CCDC39: variants seen among roughly 807,000 people sequenced by gnomAD.
The protein encoded by CCDC39 is coiled-coil domain 39 molecular ruler complex subunit, also known as coiled-coil domain-containing protein 39.
A neutral mutation model predicts 121.0 loss-of-function variants in CCDC39; 113 were observed. The observed-to-expected ratio is 0.93, with a 90% CI of 0.80 to 1.09. CCDC39 has a LOEUF of 1.09. CCDC39 is among the 50% of genes least tolerant of loss of function. The pLI is 0.00. For synonymous variants in CCDC39, 349 were observed against 352.2 expected (o/e 0.99, Z 0.10); for missense variants, 1,063 against 1,074.7 (o/e 0.99, Z 0.15).
Position 180,661,855 on chromosome 3 carries a change from A to G in CCDC39, c.357+6T>C, listed in dbSNP as rs1233109461. 6.4e-7 allele frequency: 1 copy of G among 1,574,342 alleles called. No homozygotes were observed. Among genetic ancestry groups the G allele is most frequent in the South Asian group, 1.2e-5 (1 of 85,872 alleles). ...ACAGAATTTTAAGTAATATTTCAACATATACTTCTTTATCACTTTTCTTTT... is the reference window on the plus strand; with the variant it reads ...ACAGAATTTTAAGTAATATTTCAACGTATACTTCTTTATCACTTTTCTTTT... On this transcript the variant is annotated splice_donor_region_variant and intron_variant, in intron 3 of 19. Transcript: ENST00000476379.
chr3:180,615,671 A>G (rs1717203993), intron 19 of CCDC39, among the ~76,000 whole-genome samples: 1 of 152,168 alleles, frequency 6.6e-6, no homozygotes, highest in Non-Finnish European at 1.5e-5. Flanking sequence ...TAGTAATTTA[A>G]TAAGTAGCTG....
intron 7 of CCDC39, among the ~76,000 whole-genome samples, chr3:180,652,937 T>A (rs1045468658): frequency 6.6e-6 from 1 of 152,112 alleles, no homozygotes; most frequent in Non-Finnish European, 1.5e-5. Flanking sequence ...TACTTAGGAA[T>A]AAATTTAACC....
At chr3:180,627,106 T>C (rs568245796) in intron 14 of CCDC39, among the ~76,000 whole-genome samples, 1 of 152,354 alleles carries the variant, frequency 6.6e-6, no homozygotes, top group South Asian at 2.1e-4. Context: ...TACAGTCTGC[T>C]TATGTGTCAC....
rs1299741322 is a variant in CCDC39, at chr3:180,643,568, T to G, written c.1665+552A>C. 3.9e-5 allele frequency among the ~76,000 whole-genome samples: 6 copies of G among 152,276 alleles called. No homozygotes were observed. In the East Asian group the frequency reaches 1.2e-3, roughly 29 times the overall value. On this transcript the variant is annotated intron_variant, in intron 12 of 19. Coordinates refer to ENST00000476379, the MANE Select transcript of CCDC39 (RefSeq NM_181426.2). ...CCAGCCTCAGTGGTAGTGAATAAAA[T>G]AGAATGCTTACATACTACTGATAGG...
chr3:180,672,708 G>A (rs935804929), intron 1 of CCDC39, among the ~76,000 whole-genome samples: 1 of 152,196 alleles, frequency 6.6e-6, no homozygotes, highest in Admixed American at 6.5e-5. Flanking sequence ...ACATTCTGCA[G>A]CCCATGGATC....
intron 6 of CCDC39, among the ~76,000 whole-genome samples, chr3:180,656,966 C>T (rs762625610): frequency 9.2e-5 from 14 of 152,168 alleles, no homozygotes; most frequent in African/African-American, 2.9e-4. Flanking sequence ...AACCACCAGC[C>T]CTCAGGGCTG....
chr3:180,664,720 A>G (rs1258135952), intron 1 of CCDC39, among the ~76,000 whole-genome samples: 2 of 146,274 alleles, frequency 1.4e-5, no homozygotes, highest in Admixed American at 6.8e-5. Context: ...TTTGAGATGG[A>G]GTCTTGCTCT....
At chr3:180,677,700 G>A (rs958743148) in intron 1 of CCDC39, among the ~76,000 whole-genome samples, 2 of 151,702 alleles carry the variant, frequency 1.3e-5, no homozygotes, top group Non-Finnish European at 2.9e-5. Context: ...GTTAAATACC[G>A]CATATATATA....
chr3:180,670,313 GT>G (rs1350374254), intron 1 of CCDC39, among the ~76,000 whole-genome samples: 1 of 124,024 alleles, frequency 8.1e-6, no homozygotes, highest in South Asian at 2.3e-4. Flanking sequence ...TATGGAAGGG[GT>G]GTGTGTGTGT....
intron 1 of CCDC39, among the ~76,000 whole-genome samples, chr3:180,673,951 G>A (rs911417658): frequency 1.3e-5 from 2 of 151,838 alleles, no homozygotes; most frequent in African/African-American, 4.8e-5. Context: ...GACAGTACTT[G>A]GCAATGCAGG....
intron 1 of CCDC39, among the ~76,000 whole-genome samples, chr3:180,664,673 A>T (rs183878257): frequency 6.6e-6 from 1 of 150,648 alleles, no homozygotes; most frequent in East Asian, 1.9e-4. Context: ...ATGAGATTCT[A>T]CTCCATTATT....
chr3:180,642,229 T>G, intron 12 of CCDC39, 28 bp from the exon 13 acceptor site: 1 of 1,419,692 alleles, frequency 7.0e-7, no homozygotes. Flanking sequence ...TGGTCAAATA[T>G]TGAAATTATT....
Position 180,631,191 on chromosome 3 carries a change from G to A in CCDC39, c.1998+278C>T, listed in dbSNP as rs559839926. ...AACTCAAAAGAGGAAGACTTCTGGA[G>A]CAAGTTCACAGTAAGTTTTGGGAAT... On this transcript the variant is annotated intron_variant, in intron 14 of 19. Coordinates refer to ENST00000476379, the MANE Select transcript of CCDC39 (RefSeq NM_181426.2). Among the ~76,000 whole-genome samples, 10 of 152,338 alleles carry A rather than the reference G, an allele frequency of 6.6e-5. No homozygotes were observed. In the South Asian group the frequency reaches 2.1e-3, roughly 32 times the overall value.
intron 14 of CCDC39, among the ~76,000 whole-genome samples, chr3:180,629,142 CAACTT>C (rs1284224784): frequency 6.6e-6 from 1 of 152,116 alleles, no homozygotes; most frequent in Non-Finnish European, 1.5e-5. Context: ...AGGTTTTACT[CAACTT>C]GTTAATGAAG....
At chr3:180,648,675 C>T (rs1718130989) in intron 9 of CCDC39, among the ~76,000 whole-genome samples, 1 of 152,164 alleles carries the variant, frequency 6.6e-6, no homozygotes, top group South Asian at 2.1e-4. Flanking sequence ...TGGAAATATG[C>T]AGCCTGTACA....
At chr3:180,646,281 GA>G (rs139959260) in intron 11 of CCDC39, among the ~76,000 whole-genome samples, 2,787 of 143,680 alleles carry the variant, frequency 0.019, 47 homozygotes, top group African/African-American at 0.052. Context: ...TTCTTAAGAA[GA>G]AAAAAAAAAA....
intron 13 of CCDC39, among the ~76,000 whole-genome samples, chr3:180,640,050 G>A (rs920139449): frequency 5.9e-5 from 9 of 152,034 alleles, no homozygotes; most frequent in South Asian, 2.1e-4. Context: ...TCAGTTGTCC[G>A]GAGAGAGAAA....
At position 180,616,262 on chromosome 3, in the gene CCDC39, T is replaced by C. The variant is rs1366482401; in HGVS notation, c.2669+19A>G. 9 of 1,610,868 alleles carry C rather than the reference T, an allele frequency of 5.6e-6. No individual in the cohort carries two copies. The African/African-American group carries it at 8.0e-5, about 14-fold the overall frequency. On this transcript the variant is annotated intron_variant, in intron 19 of 19. Transcript: ENST00000476379. ...CAGCTGTGAGAGTTAAGCAGATTTT[T>C]TTTTAACCCTCCGCTTACCTTGCTG...
chr3:180,619,906 G>A lies in CCDC39; in HGVS notation c.2063C>T (p.Ala688Val). 2 of 1,609,822 alleles carry A rather than the reference G, an allele frequency of 1.2e-6. No homozygotes were observed. The highest frequency in any genetic ancestry group is 1.3e-5 in the African/African-American group (1 of 74,598). The change falls in exon 15 of 20, where the codon GCT becomes GTT. Residue 688 changes from alanine to valine, a missense_variant. Transcript: ENST00000476379. Reference sequence around the variant, plus strand: ...TTCTAGAGCGTAGATTTCTTTTTCAGCTTTGTTGATCTTGGCATCCAAACA... The same window carrying A: ...TTCTAGAGCGTAGATTTCTTTTTCAACTTTGTTGATCTTGGCATCCAAACA... ...GDCLDAKINK[A>V]EKEIYALENT...
Sources: allele counts gnomAD v4.1 joint callset (sites outside exome capture counted in the v4.1 genomes callset), GRCh38; gene constraint gnomAD v4.1.1; transcripts MANE v1.5; gene names NCBI Gene and HGNC (gene_info 2026-07-23, HGNC 2026-07-21).